Variants in ADGRE3 observed in about 807,000 individuals in gnomAD.
ADGRE3 encodes the protein adhesion G protein-coupled receptor E3.
In ADGRE3, 88 loss-of-function variants were observed where a neutral mutation model predicts 80.1. The ratio of observed to expected loss-of-function variants is 1.10; its 90% CI spans 0.93 to 1.31. The LOEUF (loss-of-function observed/expected upper bound fraction) is 1.31, where lower values mean the gene tolerates loss of function less well. ADGRE3 is among the 40% of genes most tolerant of loss of function. The pLI is 0.00. For missense variants in ADGRE3, 715 were observed against 776.5 expected, an observed-to-expected ratio of 0.92 and a Z score of 0.94; for synonymous variants, 281 against 294.8, an observed-to-expected ratio of 0.95 and a Z score of 0.48.
intron 14 of ADGRE3, among the ~76,000 whole-genome samples, chr19:14,628,089 T>C (rs1970781292): frequency 1.3e-5 from 2 of 151,792 alleles, no homozygotes; most frequent in South Asian, 4.1e-4. Context: ...GGTCGTGCCA[T>C]TGCACTCCAG....
chr19:14,634,740 C>T (rs548252530), intron 11 of ADGRE3, among the ~76,000 whole-genome samples: 9 of 152,150 alleles, frequency 5.9e-5, no homozygotes, highest in Non-Finnish European at 7.4e-5. Flanking sequence ...TCTTGTGATC[C>T]GAGAGATTGA....
downstream of ADGRE3, among the ~76,000 whole-genome samples, chr19:14,618,771 G>T (rs151170938): frequency 7.3e-6 from 1 of 137,324 alleles, no homozygotes; most frequent in Non-Finnish European, 1.5e-5. Context: ...CAGAAGAATC[G>T]CTTGAACCCG....
At chr19:14,624,153 G>A (rs1347367333) in intron 15 of ADGRE3, among the ~76,000 whole-genome samples, 1 of 150,132 alleles carries the variant, frequency 6.7e-6, no homozygotes, top group Non-Finnish European at 1.5e-5. Flanking sequence ...GGAGTGCAAT[G>A]GCACGAGCTC....
chr19:14,660,885 G>A (rs563933342), intron 4 of ADGRE3, among the ~76,000 whole-genome samples: 3 of 150,516 alleles, frequency 2.0e-5, no homozygotes, highest in Non-Finnish European at 3.0e-5. Flanking sequence ...CTCTTTGGTT[G>A]GTTGGGGCAA....
At chr19:14,672,793 T>C (rs1230609395) in intron 1 of ADGRE3, among the ~76,000 whole-genome samples, 2 of 152,016 alleles carry the variant, frequency 1.3e-5, no homozygotes, top group African/African-American at 2.4e-5. Flanking sequence ...TTTTTAATGT[T>C]TCTTGGAGAC....
chr19:14,673,923 CT>C (rs1285837924), intron 1 of ADGRE3, among the ~76,000 whole-genome samples: 11 of 152,146 alleles, frequency 7.2e-5, no homozygotes, highest in Admixed American at 7.2e-4. Flanking sequence ...TATCATTCTA[CT>C]CTCTATGTCC....
At chr19:14,607,995 C>G in the ADGRE3 span, among the ~76,000 whole-genome samples, 1 of 152,026 alleles carries the variant, frequency 6.6e-6, no homozygotes, top group Non-Finnish European at 1.5e-5. Context: ...CTCAGCCTCC[C>G]GAGTACCTGG....
chr19:14,649,573 C>T (rs1015378288), intron 7 of ADGRE3, among the ~76,000 whole-genome samples: 2 of 140,046 alleles, frequency 1.4e-5, no homozygotes, highest in Non-Finnish European at 3.1e-5. Context: ...CATCTCTCTC[C>T]ATCTCTTTCT....
At chr19:14,650,962 T>C in intron 7 of ADGRE3, 123 bp downstream of exon 7, 9 of 978,110 alleles carry the variant, frequency 9.2e-6, no homozygotes, top group East Asian at 2.6e-5. Context: ...AGGGAAAATC[T>C]CCAATATCGT....
chr19:14,637,109 A>C (rs1971111673), intron 11 of ADGRE3, among the ~76,000 whole-genome samples: 1 of 152,168 alleles, frequency 6.6e-6, no homozygotes, highest in South Asian at 2.1e-4. Flanking sequence ...AAACAAAAAA[A>C]CAAAACAAAA....
chr19:14,625,494 C>T lies in ADGRE3; in HGVS notation c.1918G>A (p.Glu640Lys), dbSNP rs770900694. The T allele has an allele frequency of 1.3e-6, 2 of 1,587,260 alleles. No individual in the cohort carries two copies. The highest frequency in any genetic ancestry group is 3.3e-5 in the Admixed American group (2 of 59,920). The change falls in exon 15 of 16, where the codon GAG (glutamate) becomes AAG (lysine). Residue 640 changes from glutamate (E) to lysine (K), a missense_variant and splice_region_variant. Glu to Lys is a moderately conservative substitution (Grantham distance 56, BLOSUM62 1). Coordinates refer to ENST00000253673, the MANE Select transcript of ADGRE3 (RefSeq NM_032571.5). The stretch of plus-strand genomic sequence containing the variant: ...AACAATTCAGATGTTTCACTTACCT[C>T]ACTGGGTTTTGAGTCAGGACCCATC... The part of the protein sequence containing the change: ...SKMGPDSKPS[E>K]GDVFPGQVKR...
chr19:14,605,042 T>A, the ADGRE3 span, among the ~76,000 whole-genome samples: 2 of 150,214 alleles, frequency 1.3e-5, no homozygotes, highest in East Asian at 4.0e-4. Flanking sequence ...AGTCAAAAAG[T>A]CTAAAATGGG....
chr19:14,638,431 A>G lies in ADGRE3; in HGVS notation c.1249-91T>C, dbSNP rs1971161695. On this transcript the variant is annotated intron_variant, in intron 10 of 15. Transcript: ENST00000253673. ...TTGACATTGGCTTTGGGTTCAGAGC[A>G]CCTGACATCAGACCAAGGGCACTAA... 4.5e-6 allele frequency: 4 copies of G among 880,098 alleles called. No homozygotes were observed. In the African/African-American group the frequency reaches 5.0e-5, roughly 11 times the overall value. The allele number at this position is 880,098 out of a possible 1,614,324, so 54.5% of individuals were successfully genotyped here.
chr19:14,600,202 C>T, the ADGRE3 span: 6 of 1,612,148 alleles, frequency 3.7e-6, no homozygotes, highest in Non-Finnish European at 5.1e-6. Flanking sequence ...TCCCACTGAA[C>T]CTTTGAGAAC....
chr19:14,650,955 GA>G, intron 7 of ADGRE3, 129 bp downstream of exon 7: 1 of 963,444 alleles, frequency 1.0e-6, no homozygotes, highest in Non-Finnish European at 1.5e-6. Context: ...TTTTTAAAGG[GA>G]AAATCTCCAA....
chr19:14,638,415 G>A, intron 10 of ADGRE3, 75 bp from the exon 11 acceptor site: 1 of 1,141,802 alleles, frequency 8.8e-7, no homozygotes, highest in Non-Finnish European at 1.3e-6. Context: ...CTTGACATTG[G>A]CTTTGGGTTC....
chr19:14,668,691 C>A, intron 2 of ADGRE3, 111 bp downstream of exon 2: 3 of 755,764 alleles, frequency 4.0e-6, no homozygotes, highest in African/African-American at 1.8e-5. Context: ...GCAAGCCTTC[C>A]CAAATATTGC....
chr19:14,614,036 G>A, the ADGRE3 span, among the ~76,000 whole-genome samples: 1 of 152,122 alleles, frequency 6.6e-6, no homozygotes, highest in Non-Finnish European at 1.5e-5. Flanking sequence ...CCAGGCTGGA[G>A]TGCAGTGGCA....
chr19:14,607,729 G>A, the ADGRE3 span, among the ~76,000 whole-genome samples: 3 of 151,286 alleles, frequency 2.0e-5, no homozygotes, highest in East Asian at 2.0e-4. Context: ...GACACCCGCC[G>A]TCGTGCCTGG....
Sources: gnomAD v4.1 joint callset for allele counts (sites outside exome capture counted in the v4.1 genomes callset) on GRCh38, gnomAD v4.1.1 for gene constraint, MANE v1.5 for transcripts, NCBI Gene and HGNC (gene_info 2026-07-23, HGNC 2026-07-21) for gene names.